Variants in BRD10 observed in about 807,000 individuals in gnomAD.
BRD10 encodes the protein bromodomain containing 10.
At chr9:5,936,123 A>G in the BRD10 span, among the ~76,000 whole-genome samples, 11 of 152,156 alleles carry the variant, frequency 7.2e-5, no homozygotes, top group Non-Finnish European at 1.2e-4. Context: ...TGGGAGGCAG[A>G]GGAAGGTAAA....
At chr9:5,974,297 A>G in the BRD10 span, among the ~76,000 whole-genome samples, 1 of 152,196 alleles carries the variant, frequency 6.6e-6, no homozygotes, top group Non-Finnish European at 1.5e-5. Flanking sequence ...TCATTCATAG[A>G]TGAGAGTAAG....
chr9:5,938,086 T>C, the BRD10 span, among the ~76,000 whole-genome samples: 37,860 of 152,120 alleles, frequency 0.25, 4,906 homozygotes, highest in South Asian at 0.36. Flanking sequence ...CAAATGTCTA[T>C]GGTGTCTGGT....
At chr9:5,963,692 G>C in the BRD10 span, among the ~76,000 whole-genome samples, 1 of 152,104 alleles carries the variant, frequency 6.6e-6, no homozygotes, top group African/African-American at 2.4e-5. Context: ...GCATGGTACT[G>C]GTACCAAAAC....
chr9:5,894,176 G>T, the BRD10 span, among the ~76,000 whole-genome samples: 3 of 152,146 alleles, frequency 2.0e-5, no homozygotes, highest in Non-Finnish European at 4.4e-5. The surrounding 1 kb of genome is among the most constrained non-coding windows in gnomAD (Gnocchi z 4.0). Flanking sequence ...AGTCAGCTCA[G>T]TAGGCCGAAA....
At chr9:5,908,552 T>C in the BRD10 span, 3 of 1,155,552 alleles carry the variant, frequency 2.6e-6, no homozygotes, top group Non-Finnish European at 3.9e-6. Flanking sequence ...AGGGAAAGTA[T>C]AAATATGTTA....
At chr9:5,919,668 C>G in the BRD10 span, 3 of 1,572,864 alleles carry the variant, frequency 1.9e-6, no homozygotes, top group Non-Finnish European at 2.6e-6. Context: ...TAAAAACTGG[C>G]TCTTTTAGTC....
At chr9:5,902,577 C>A in the BRD10 span, among the ~76,000 whole-genome samples, 5 of 152,040 alleles carry the variant, frequency 3.3e-5, no homozygotes, top group Non-Finnish European at 5.9e-5. Context: ...CACTCCAATC[C>A]TCCTGGCTCA....
At chr9:5,922,635 C>T in the BRD10 span, 1 of 1,613,932 alleles carries the variant, frequency 6.2e-7, no homozygotes, top group African/African-American at 1.3e-5. Context: ...ACTTCTTTTG[C>T]AACTGCTTTT....
At chr9:5,934,593 T>G in the BRD10 span, among the ~76,000 whole-genome samples, 1 of 152,106 alleles carries the variant, frequency 6.6e-6, no homozygotes, top group South Asian at 2.1e-4. Context: ...CTTGAACTTC[T>G]GACCTCAAGT....
chr9:6,003,454 TA>T, the BRD10 span, among the ~76,000 whole-genome samples: 2 of 152,362 alleles, frequency 1.3e-5, no homozygotes, highest in Admixed American at 1.3e-4. Context: ...TTTCTAATGT[TA>T]ATTGCTATTT....
At chr9:5,992,279 G>A in the BRD10 span, among the ~76,000 whole-genome samples, 5 of 152,156 alleles carry the variant, frequency 3.3e-5, no homozygotes, top group South Asian at 2.1e-4. Flanking sequence ...ATCTATATGC[G>A]CATAGAAAGT....
chr9:5,922,523 C>G, the BRD10 span: 2 of 1,613,892 alleles, frequency 1.2e-6, no homozygotes, highest in Admixed American at 3.3e-5. Flanking sequence ...AGAAACAGTT[C>G]CTGGTGAGTT....
At chr9:5,890,543 C>A in the BRD10 span, among the ~76,000 whole-genome samples, 12 of 152,200 alleles carry the variant, frequency 7.9e-5, no homozygotes, top group East Asian at 2.1e-3. Flanking sequence ...TAGAATATGA[C>A]CTACTTAGAC....
the BRD10 span, among the ~76,000 whole-genome samples, chr9:5,935,640 A>G: frequency 6.6e-6 from 1 of 152,230 alleles, no homozygotes; most frequent in Non-Finnish European, 1.5e-5. Context: ...GGGTTCTCAA[A>G]CAATTCACAG....
the BRD10 span, among the ~76,000 whole-genome samples, chr9:5,880,243 T>TA: frequency 1.4e-5 from 2 of 148,126 alleles, no homozygotes; most frequent in Non-Finnish European, 3.0e-5. Context: ...AAATAAAAAA[T>TA]AAAAAAACAA....
At chr9:5,970,937 A>C in the BRD10 span, among the ~76,000 whole-genome samples, 4 of 151,616 alleles carry the variant, frequency 2.6e-5, no homozygotes, top group Admixed American at 6.6e-5. Context: ...CTATAATCCC[A>C]GCTACTAGGG....
At chr9:6,007,361 C>T in the BRD10 span, 2 of 1,613,374 alleles carry the variant, frequency 1.2e-6, no homozygotes, top group Middle Eastern at 1.6e-4. Flanking sequence ...AACTTCTCTT[C>T]CATCTGCAGC....
At chr9:5,975,394 G>A in the BRD10 span, among the ~76,000 whole-genome samples, 22 of 125,674 alleles carry the variant, frequency 1.8e-4, no homozygotes, top group Admixed American at 1.7e-3. Context: ...AGCCAGGATC[G>A]CACCACTGCA....
At chr9:5,914,569 A>G in the BRD10 span, among the ~76,000 whole-genome samples, 2 of 151,422 alleles carry the variant, frequency 1.3e-5, no homozygotes, top group African/African-American at 2.4e-5. Context: ...GACTATAGGC[A>G]CCCACCACCA....
Sources: allele counts gnomAD v4.1 joint callset (sites outside exome capture counted in the v4.1 genomes callset), GRCh38; gene constraint gnomAD v4.1.1; non-coding constraint Gnocchi (gnomAD v3.1); transcripts MANE v1.5; gene names NCBI Gene and HGNC (gene_info 2026-07-23, HGNC 2026-07-21).